HS2ST1: variants seen among roughly 807,000 people sequenced by gnomAD.
The protein encoded by HS2ST1 is 2-O-sulfotransferase.
In HS2ST1, 18 loss-of-function variants were observed where a neutral mutation model predicts 42.9. That is an observed-to-expected ratio of 0.42 (90% CI 0.29 to 0.62). HS2ST1 has a LOEUF of 0.62. Among genes scored for constraint, HS2ST1 ranks in the 20% least tolerant of loss-of-function variants. The pLI, the probability that HS2ST1 is intolerant of heterozygous loss-of-function variation, is 0.21. For missense variants in HS2ST1, 334 were observed against 433.8 expected, an observed-to-expected ratio of 0.77 and a Z score of 2.04; for synonymous variants, 146 against 152.9, an observed-to-expected ratio of 0.95 and a Z score of 0.33.
At chr1:87,011,295 G>A (rs1057480275) in intron 1 of HS2ST1, among the ~76,000 whole-genome samples, 21 of 151,980 alleles carry the variant, frequency 1.4e-4, no homozygotes, top group Non-Finnish European at 2.5e-4. Flanking sequence ...TGCCCAGGGT[G>A]GAGTGCAGTG....
intron 1 of HS2ST1, among the ~76,000 whole-genome samples, chr1:86,936,030 C>T (rs923698702): frequency 6.6e-6 from 1 of 151,994 alleles, no homozygotes; most frequent in Non-Finnish European, 1.5e-5. Flanking sequence ...TTTACCTGTA[C>T]TTTTTTTGTC....
chr1:87,078,084 G>A (rs1306333189), intron 2 of HS2ST1, among the ~76,000 whole-genome samples: 1 of 152,232 alleles, frequency 6.6e-6, no homozygotes, highest in Non-Finnish European at 1.5e-5. Context: ...ATGAGTGGGA[G>A]TTTGGTAGAT....
In HS2ST1 at chr1:86,962,691, C is replaced by T. The variant is rs375165098; in HGVS notation, c.124+47531C>T. Among the ~76,000 whole-genome samples the T allele has an allele frequency of 3.7e-4, 57 of 152,026 alleles. 1 individual carries two copies. In the South Asian group the frequency reaches 0.011, roughly 30 times the overall value. On this transcript the variant is annotated intron_variant, in intron 1 of 6. Transcript: ENST00000370550. The stretch of plus-strand genomic sequence containing the variant: ...GAATTACAAAAACCAACAACAACAA[C>T]AAAACAAAACTACAGCTCTGAGATT...
chr1:87,044,507 T>C (rs12094141), intron 1 of HS2ST1, among the ~76,000 whole-genome samples: 99 of 152,308 alleles, frequency 6.5e-4, no homozygotes, highest in African/African-American at 2.2e-3. Flanking sequence ...GATACTTCTT[T>C]GAATCTGTTT....
chr1:86,933,705 A>T (rs1030060195), intron 1 of HS2ST1, among the ~76,000 whole-genome samples: 1 of 118,362 alleles, frequency 8.4e-6, no homozygotes, highest in African/African-American at 3.7e-5. Flanking sequence ...CATGCCTTGT[A>T]ATTTTTTTTT....
chr1:86,953,269 C>T (rs1038042741), intron 1 of HS2ST1, among the ~76,000 whole-genome samples: 1 of 152,200 alleles, frequency 6.6e-6, no homozygotes, highest in Non-Finnish European at 1.5e-5. Context: ...ATGTTGTGGC[C>T]AGTTTGATCT....
chr1:87,005,465 A>G (rs1024685561), intron 1 of HS2ST1, among the ~76,000 whole-genome samples: 2 of 152,204 alleles, frequency 1.3e-5, no homozygotes, highest in African/African-American at 4.8e-5. Context: ...CTACAATAAA[A>G]GACAAAATTG....
At chr1:87,086,308 A>G (rs184487436) in intron 3 of HS2ST1, among the ~76,000 whole-genome samples, 13 of 152,226 alleles carry the variant, frequency 8.5e-5, no homozygotes, top group Admixed American at 5.9e-4. Context: ...CCCCTTGTAC[A>G]CGGGTTTCAC....
intron 1 of HS2ST1, among the ~76,000 whole-genome samples, chr1:87,006,564 T>C (rs1023844919): frequency 1.3e-5 from 2 of 152,136 alleles, no homozygotes; most frequent in African/African-American, 4.8e-5. Flanking sequence ...AGCCAAATGG[T>C]TATAGATTTT....
chr1:86,990,795 A>C (rs1648918734), intron 1 of HS2ST1, among the ~76,000 whole-genome samples: 1 of 95,526 alleles, frequency 1.0e-5, no homozygotes, highest in Admixed American at 1.4e-4. Flanking sequence ...GGCATATGCC[A>C]CCATGCCTGG....
At chr1:87,039,584 A>G (rs1385837926) in intron 1 of HS2ST1, among the ~76,000 whole-genome samples, 1 of 152,188 alleles carries the variant, frequency 6.6e-6, no homozygotes, top group Non-Finnish European at 1.5e-5. Flanking sequence ...CTGGATTTTT[A>G]TTATCTGTCA....
chr1:86,947,630 A>G (rs1647380528), intron 1 of HS2ST1, among the ~76,000 whole-genome samples: 1 of 149,270 alleles, frequency 6.7e-6, no homozygotes, highest in Non-Finnish European at 1.5e-5. Flanking sequence ...CCATGTTTTA[A>G]TTTCAGCAAA....
intron 1 of HS2ST1, among the ~76,000 whole-genome samples, chr1:86,979,427 G>C (rs185334329): frequency 2.0e-5 from 3 of 152,178 alleles, no homozygotes; most frequent in Admixed American, 2.0e-4. Flanking sequence ...GACTATTCCA[G>C]ATATCTCATG....
chr1:87,024,326 C>T (rs1650028966), intron 1 of HS2ST1, among the ~76,000 whole-genome samples: 1 of 151,666 alleles, frequency 6.6e-6, no homozygotes, highest in Non-Finnish European at 1.5e-5. Flanking sequence ...TATGGTGAAA[C>T]CCCCGTCTCT....
intron 1 of HS2ST1, among the ~76,000 whole-genome samples, chr1:86,922,081 CT>C (rs1570422578): frequency 6.6e-6 from 1 of 151,048 alleles, no homozygotes; most frequent in African/African-American, 2.4e-5. Flanking sequence ...TCTGTGATTC[CT>C]TTTTTTCTGT....
At chr1:87,021,024 A>G (rs562972097) in intron 1 of HS2ST1, among the ~76,000 whole-genome samples, 1 of 152,294 alleles carries the variant, frequency 6.6e-6, no homozygotes, top group Non-Finnish European at 1.5e-5. Flanking sequence ...TTCCCATTTA[A>G]GATGACCTTT....
intron 3 of HS2ST1, among the ~76,000 whole-genome samples, chr1:87,091,247 C>A (rs188000718): frequency 6.6e-6 from 1 of 151,788 alleles, no homozygotes; most frequent in Admixed American, 6.6e-5. Flanking sequence ...GAGAGCGGCA[C>A]TCAAGGAAGA....
intron 1 of HS2ST1, among the ~76,000 whole-genome samples, chr1:86,941,119 C>T (rs1051408766): frequency 2.8e-4 from 42 of 152,278 alleles, no homozygotes; most frequent in African/African-American, 9.4e-4. Flanking sequence ...GAAGCATCTT[C>T]GTGAATAGTT....
chr1:86,974,173 G>A (rs1266119570), intron 1 of HS2ST1, among the ~76,000 whole-genome samples: 1 of 152,104 alleles, frequency 6.6e-6, no homozygotes, highest in Admixed American at 6.6e-5. Context: ...GCTTCAGAAT[G>A]GGGGCTGGTC....
Sources: gnomAD v4.1 joint callset for allele counts (sites outside exome capture counted in the v4.1 genomes callset) on GRCh38, gnomAD v4.1.1 for gene constraint, MANE v1.5 for transcripts, NCBI Gene and HGNC (gene_info 2026-07-23, HGNC 2026-07-21) for gene names.